The following OBI1 variants were observed in gnomAD, a reference collection of about 807,000 sequenced individuals.
OBI1 encodes the protein ring finger protein 219.
OBI1 carries 59 observed loss-of-function variants against 62.4 expected under a neutral mutation model. That is an observed-to-expected ratio of 0.95 (90% confidence interval 0.77 to 1.17). OBI1 has a LOEUF of 1.17. OBI1 is among the 50% of genes most tolerant of loss of function. OBI1 has a pLI of 0.00. For synonymous variants in OBI1, 302 were observed against 292.8 expected, an observed-to-expected ratio of 1.03 and a Z score of -0.32; for missense variants, 875 against 830.9, an observed-to-expected ratio of 1.05 and a Z score of -0.65.
intron 5 of OBI1, among the ~76,000 whole-genome samples, chr13:78,633,033 G>A (rs1024411593): frequency 6.6e-6 from 1 of 152,182 alleles, no homozygotes; most frequent in African/African-American, 2.4e-5. Flanking sequence ...CATCCTTGTG[G>A]CTGGCATTAA....
At position 78,643,399 on chromosome 13, in the gene OBI1, G is replaced by T. The variant is rs34126296; in HGVS notation, c.209-1186C>A. Among the ~76,000 whole-genome samples the T allele has an allele frequency of 4.4e-3, 665 of 152,252 alleles. 2 individuals carry two copies. Among genetic ancestry groups the T allele is most frequent in the Non-Finnish European group, 7.6e-3 (519 of 68,016 alleles). On this transcript the variant is annotated intron_variant, in intron 2 of 5. Coordinates refer to ENST00000282003, the MANE Select transcript of OBI1 (RefSeq NM_024546.4). ...CTACCAGACTTCACCCAGGTACCAAGAGCCAACTCTGATTGCGCCTTCAGA... is the reference window on the plus strand; with the variant it reads ...CTACCAGACTTCACCCAGGTACCAATAGCCAACTCTGATTGCGCCTTCAGA...
chr13:78,654,053 G>A (rs1876625383), intron 1 of OBI1, among the ~76,000 whole-genome samples: 3 of 145,074 alleles, frequency 2.1e-5, no homozygotes, highest in Non-Finnish European at 4.5e-5. Flanking sequence ...AAAAACCTGT[G>A]TGAAATAAGT....
intron 5 of OBI1, 75 bp from the exon 6 acceptor site, chr13:78,617,197 C>G: frequency 8.6e-7 from 1 of 1,161,354 alleles, no homozygotes; most frequent in South Asian, 1.7e-5. Flanking sequence ...TGCAAACTGT[C>G]CCAGGCTATT....
At chr13:78,646,552 C>G (rs1327223241) in intron 1 of OBI1, among the ~76,000 whole-genome samples, 1 of 152,028 alleles carries the variant, frequency 6.6e-6, no homozygotes, top group Non-Finnish European at 1.5e-5. Context: ...CATTTCATAG[C>G]CATTTTCAAT....
chr13:78,636,626 C>T (rs1876038948), intron 4 of OBI1, among the ~76,000 whole-genome samples: 1 of 152,156 alleles, frequency 6.6e-6, no homozygotes, highest in Admixed American at 6.5e-5. Context: ...TCCCTCTGGG[C>T]TCTAGGCACC....
chr13:78,658,768 C>A (rs964437084), intron 1 of OBI1, among the ~76,000 whole-genome samples: 5 of 152,204 alleles, frequency 3.3e-5, no homozygotes, highest in African/African-American at 1.2e-4. Flanking sequence ...CGGTGTCTTG[C>A]CAGTGTGAGG....
chr13:78,646,580 T>C (rs571289713), intron 1 of OBI1, among the ~76,000 whole-genome samples: 9 of 152,156 alleles, frequency 5.9e-5, no homozygotes, highest in Non-Finnish European at 1.3e-4. Context: ...TAATAGTAAT[T>C]ACAGTATAGA....
Position 78,656,737 on chromosome 13 carries a change from G to GA in OBI1, c.72+2311_72+2312insT, listed in dbSNP as rs1364401864. Among the ~76,000 whole-genome samples, 4 of 124,052 alleles carry GA rather than the reference G, an allele frequency of 3.2e-5. 1 individual carries two copies. The highest frequency in any genetic ancestry group is 3.2e-4 in the Admixed American group (4 of 12,596). 81.4% of individuals were successfully genotyped at this position (124,052 alleles called of 152,430 possible). A position where few individuals can be genotyped will look rare whatever the true frequency, so the allele number is the denominator to read the frequency against. On this transcript the variant is annotated intron_variant, in intron 1 of 5. Coordinates refer to ENST00000282003, the MANE Select transcript of OBI1 (RefSeq NM_024546.4). The stretch of plus-strand genomic sequence containing the variant: ...TCTGCTTCCATGGTACCTGGGGGGG[G>GA]GGGGGGAGGAGCCTGTTTAAAAATC...
At chr13:78,646,350 C>G (rs1876382642) in intron 1 of OBI1, among the ~76,000 whole-genome samples, 1 of 152,174 alleles carries the variant, frequency 6.6e-6, no homozygotes, top group Non-Finnish European at 1.5e-5. Context: ...AGGTACTCAA[C>G]AAAGGTCTGT....
At chr13:78,618,728 A>AAAC (rs1266339031) in intron 5 of OBI1, among the ~76,000 whole-genome samples, 2 of 152,206 alleles carry the variant, frequency 1.3e-5, no homozygotes, top group Non-Finnish European at 2.9e-5. Context: ...CCACAGGTAT[A>AAAC]ACAAAAACAA....
chr13:78,635,268 A>G lies in OBI1; in HGVS notation c.550-70T>C. On this transcript the variant is annotated intron_variant, in intron 4 of 5. Coordinates refer to ENST00000282003, the MANE Select transcript of OBI1 (RefSeq NM_024546.4). ...AGTGACTTGTAAAAATTACAACATG[A>G]GCCATCCGTATTTTTTAGAGTGATA... 3 of 888,268 alleles carry G rather than the reference A, an allele frequency of 3.4e-6. No individual in the cohort carries two copies. The South Asian group carries it at 4.4e-5, about 13-fold the overall frequency. The allele number at this position is 888,268 out of a possible 1,614,324, so 55.0% of individuals were successfully genotyped here.
chr13:78,639,776 G>T (rs1876152814), intron 3 of OBI1, among the ~76,000 whole-genome samples: 1 of 147,520 alleles, frequency 6.8e-6, no homozygotes, highest in African/African-American at 2.5e-5. Flanking sequence ...CTCATTCATA[G>T]GTGGGAATTG....
intron 5 of OBI1, among the ~76,000 whole-genome samples, chr13:78,625,445 AATT>A: frequency 6.6e-6 from 1 of 152,328 alleles, no homozygotes; most frequent in African/African-American, 2.4e-5. Context: ...GATACCCTGT[AATT>A]ATTACTCAGA....
rs184991036 is a variant in OBI1 at position 78,616,337 on chromosome 13, G to C, written c.1424C>G (p.Ala475Gly). Residue 475 changes from alanine (A) to glycine (G), a missense_variant, in exon 6 of 6, where the codon GCC becomes GGC. Transcript: ENST00000282003. ...GFWDCCSTSYAQNLDFESSEG... is the reference protein window; with the variant it reads ...GFWDCCSTSYGQNLDFESSEG... ...TGAACTTTCAAAATCTAAGTTTTGG[G>C]CATAGCTTGTGGAACAACAGTCCCA... 1.2e-5 allele frequency: 20 copies of C among 1,613,892 alleles called. No homozygotes were observed. Among genetic ancestry groups the C allele is most frequent in the Non-Finnish European group, 1.6e-5 (19 of 1,179,938 alleles).
At chr13:78,619,251 CT>C (rs1160166201) in intron 5 of OBI1, among the ~76,000 whole-genome samples, 1 of 152,010 alleles carries the variant, frequency 6.6e-6, no homozygotes, top group East Asian at 1.9e-4. Flanking sequence ...TTACCAGCTT[CT>C]TGTTCCAGGG....
chr13:78,623,066 C>G (rs1875558962), intron 5 of OBI1, among the ~76,000 whole-genome samples: 1 of 151,984 alleles, frequency 6.6e-6, no homozygotes, highest in Non-Finnish European at 1.5e-5. Flanking sequence ...GGGAAGCAAC[C>G]CATACATTTA....
At position 78,616,857 on chromosome 13, in the gene OBI1, G is replaced by C; in HGVS notation, c.904C>G (p.Pro302Ala). 1 of 1,614,194 alleles carries C rather than the reference G, an allele frequency of 6.2e-7. No homozygotes were observed. Among genetic ancestry groups the C allele is most frequent in the South Asian group, 1.1e-5 (1 of 91,078 alleles). The change falls in exon 6 of 6, where the codon CCT (proline) becomes GCT (alanine). Residue 302 changes from proline (P) to alanine (A), a missense_variant. Pro to Ala is a conservative substitution (Grantham distance 27). Transcript: ENST00000282003. ...GAAGAACTGGAGGTGGATGAGCCAGGCTGCTTTCTGGCACTATCGCCTTGA... is the reference window on the plus strand; with the variant it reads ...GAAGAACTGGAGGTGGATGAGCCAGCCTGCTTTCTGGCACTATCGCCTTGA... ...KNQGDSARKQ[P>A]GSSTSSSSHL...
rs775568588 is a variant in OBI1 at position 78,638,871 on chromosome 13, A to G, written c.501T>C (p.Ala167=). ...CTTTCACTTTTTCATAGATTTCATT[A>G]GCTGTTCTGAGTTTTTTCTTCCACT... is the stretch of plus-strand genomic sequence containing the variant. The part of the protein sequence containing the change: ...VAEWKKKLRT[A]NEIYEKVKDD... Residue 167 remains alanine (A), a synonymous_variant, in exon 4 of 6, where the codon GCT becomes GCC. Transcript: ENST00000282003. 3.7e-6 allele frequency: 6 copies of G among 1,613,580 alleles called. No individual in the cohort carries two copies. The East Asian group carries it at 6.7e-5, about 18-fold the overall frequency.
At chr13:78,631,796 G>A (rs193269380) in intron 5 of OBI1, among the ~76,000 whole-genome samples, 1 of 152,172 alleles carries the variant, frequency 6.6e-6, no homozygotes, top group East Asian at 1.9e-4. Flanking sequence ...TGCTCAAGAG[G>A]GCTTTTAAGT....
Sources: allele counts gnomAD v4.1 joint callset (sites outside exome capture counted in the v4.1 genomes callset), GRCh38; gene constraint gnomAD v4.1.1; transcripts MANE v1.5; gene names NCBI Gene and HGNC (gene_info 2026-07-23, HGNC 2026-07-21).